CSMD3: variants seen among roughly 807,000 people sequenced by gnomAD.
CSMD3 encodes CUB and sushi domain-containing protein 3.
Under a neutral mutation model 435.2 loss-of-function variants are expected in CSMD3, and 177 were observed. The ratio of observed to expected loss-of-function variants is 0.41; its 90% CI spans 0.36 to 0.46. CSMD3 has a LOEUF of 0.46. Ranked by LOEUF, CSMD3 falls within the 20% of genes least tolerant of loss-of-function variation. The pLI is 0.34. For synonymous variants in CSMD3, 1,656 were observed against 1,520.5 expected, an observed-to-expected ratio of 1.09 and a Z score of -2.07; for missense variants, 4,265 against 4,504.6, an observed-to-expected ratio of 0.95 and a Z score of 1.52.
intron 10 of CSMD3, among the ~76,000 whole-genome samples, chr8:112,918,228 GAAT>G (rs1301282744): frequency 6.6e-6 from 1 of 151,780 alleles, no homozygotes; most frequent in Admixed American, 6.6e-5. Flanking sequence ...AACAATAAAT[GAAT>G]AATAACAATT....
At chr8:113,222,521 A>G (rs1393170879) in intron 3 of CSMD3, among the ~76,000 whole-genome samples, 1 of 151,050 alleles carries the variant, frequency 6.6e-6, no homozygotes, top group Non-Finnish European at 1.5e-5. Flanking sequence ...CACATTTTCA[A>G]AGTACTGTAT....
chr8:112,244,455 T>C lies in CSMD3; in HGVS notation c.10341A>G (p.Gly3447=). 6.2e-7 allele frequency: 1 copy of C among 1,613,940 alleles called. No homozygotes were observed. The highest frequency in any genetic ancestry group is 1.1e-5 in the South Asian group (1 of 91,082). The change falls in exon 65 of 71, where the codon GGA becomes GGG. Residue 3447 remains glycine (G), a synonymous_variant. Transcript: ENST00000297405. ...TCQPGFFLAG[G]TEHRVCRSDN... ...CGGATCTACACACTCTATGTTCTGT[T>C]CCACCTGCTAAGAAGAAGCCAGGCT...
intron 1 of CSMD3, among the ~76,000 whole-genome samples, chr8:113,384,107 G>A (rs1022185209): frequency 6.6e-6 from 1 of 152,092 alleles, no homozygotes; most frequent in African/African-American, 2.4e-5. Flanking sequence ...TTAAAAACCT[G>A]TCTTGATACT....
chr8:112,510,336 T>C (rs139411188), intron 28 of CSMD3, among the ~76,000 whole-genome samples: 3 of 152,350 alleles, frequency 2.0e-5, no homozygotes, highest in African/African-American at 4.8e-5. Flanking sequence ...ATCTGACCCA[T>C]ACAGTCTTTC....
chr8:112,805,335 C>A (rs1440902638), intron 12 of CSMD3, among the ~76,000 whole-genome samples: 1 of 152,120 alleles, frequency 6.6e-6, no homozygotes, highest in African/African-American at 2.4e-5. Context: ...CAAGTCAATT[C>A]ATCACTTTGG....
At chr8:112,696,339 A>T (rs1361132514) in intron 13 of CSMD3, among the ~76,000 whole-genome samples, 1 of 152,226 alleles carries the variant, frequency 6.6e-6, no homozygotes, top group East Asian at 1.9e-4. Flanking sequence ...ACAAGGCTAC[A>T]GTAACCAAAA....
chr8:113,414,396 G>C (rs1300658227), intron 1 of CSMD3, among the ~76,000 whole-genome samples: 1 of 151,878 alleles, frequency 6.6e-6, no homozygotes, highest in Non-Finnish European at 1.5e-5. Flanking sequence ...ATCACTTCTA[G>C]CACCATGGAT....
chr8:112,367,992 A>G (rs1320893716), intron 38 of CSMD3, among the ~76,000 whole-genome samples: 1 of 152,180 alleles, frequency 6.6e-6, no homozygotes, highest in Admixed American at 6.5e-5. Context: ...ACTATGTATT[A>G]TGGGTGAGAT....
Position 112,319,072 on chromosome 8 carries a change from A to C in CSMD3, c.7247-122T>G. 3 of 707,118 alleles carry C rather than the reference A, an allele frequency of 4.2e-6. No individual in the cohort carries two copies. In the South Asian group the frequency reaches 4.6e-5, roughly 11 times the overall value. 43.8% of individuals were successfully genotyped at this position (707,118 alleles called of 1,614,324 possible). The stretch of plus-strand genomic sequence containing the variant: ...TATTTTCAATCAGTATAAAAATGTT[A>C]TTAGGTATAAGTAGGAGTTATATTC... On this transcript the variant is annotated intron_variant, in intron 46 of 70. Transcript: ENST00000297405.
At chr8:112,232,990 T>C (rs1455233694) in intron 68 of CSMD3, among the ~76,000 whole-genome samples, 1 of 152,236 alleles carries the variant, frequency 6.6e-6, no homozygotes, top group African/African-American at 2.4e-5. Flanking sequence ...ATACTTATTA[T>C]TGTTTGACCC....
At chr8:112,806,539 T>C (rs2079091493) in intron 12 of CSMD3, among the ~76,000 whole-genome samples, 1 of 152,186 alleles carries the variant, frequency 6.6e-6, no homozygotes, top group South Asian at 2.1e-4. Context: ...AACAGACTAG[T>C]TAAGAACAAG....
chr8:112,467,813 A>G (rs1164849263), intron 32 of CSMD3, among the ~76,000 whole-genome samples: 1 of 152,148 alleles, frequency 6.6e-6, no homozygotes, highest in African/African-American at 2.4e-5. Flanking sequence ...AAGCCCAGGA[A>G]CCTCAAGGCT....
chr8:112,666,477 T>C (rs569302067), intron 16 of CSMD3, 62 bp from the exon 17 acceptor site: 3 of 1,451,068 alleles, frequency 2.1e-6, no homozygotes, highest in African/African-American at 2.8e-5. Flanking sequence ...GATATTATTC[T>C]TAATACAAAC....
At chr8:112,399,740 T>A (rs1831160944) in intron 35 of CSMD3, among the ~76,000 whole-genome samples, 2 of 152,210 alleles carry the variant, frequency 1.3e-5, no homozygotes, top group Non-Finnish European at 2.9e-5. Context: ...TAAAGTGGCA[T>A]AATCTTTGCC....
chr8:112,918,456 C>CTAT (rs1260734112), intron 10 of CSMD3, among the ~76,000 whole-genome samples: 2 of 151,666 alleles, frequency 1.3e-5, no homozygotes, highest in Non-Finnish European at 2.9e-5. Context: ...TTTCTTCAGT[C>CTAT]TATTATTATT....
intron 1 of CSMD3, among the ~76,000 whole-genome samples, chr8:113,369,481 T>C (rs927343058): frequency 3.3e-5 from 5 of 152,014 alleles, no homozygotes; most frequent in African/African-American, 1.2e-4. Flanking sequence ...ACAAATATTA[T>C]GGAAAACAGT....
intron 6 of CSMD3, among the ~76,000 whole-genome samples, chr8:113,000,370 G>T (rs894256331): frequency 6.6e-6 from 1 of 151,886 alleles, no homozygotes; most frequent in Non-Finnish European, 1.5e-5. Context: ...AGAACAGAAA[G>T]GCTTTCAGAG....
intron 5 of CSMD3, among the ~76,000 whole-genome samples, chr8:113,024,372 T>TA (rs1374777801): frequency 1.3e-5 from 2 of 151,606 alleles, no homozygotes; most frequent in Admixed American, 6.6e-5. Flanking sequence ...ATTGGACACT[T>TA]AGAGTCGATT....
At chr8:112,342,697 C>G (rs1193663501) in intron 41 of CSMD3, among the ~76,000 whole-genome samples, 1 of 151,808 alleles carries the variant, frequency 6.6e-6, no homozygotes, top group Non-Finnish European at 1.5e-5. Flanking sequence ...CACTGGGGCT[C>G]TGAGTAAACG....
Sources: allele counts gnomAD v4.1 joint callset (sites outside exome capture counted in the v4.1 genomes callset), GRCh38; gene constraint gnomAD v4.1.1; transcripts MANE v1.5; gene names NCBI Gene and HGNC (gene_info 2026-07-23, HGNC 2026-07-21).